Variants in CARMIL1 observed in about 807,000 individuals in gnomAD.
CARMIL1 encodes the protein F-actin-uncapping protein LRRC16A.
CARMIL1 carries 90 observed loss-of-function variants against 177.1 expected under a neutral mutation model. The observed-to-expected ratio is 0.51, with a 90% CI of 0.43 to 0.61. The LOEUF is 0.61. Among genes scored for constraint, CARMIL1 ranks in the 20% least tolerant of loss-of-function variants. The pLI, the probability that CARMIL1 is intolerant of heterozygous loss-of-function variation, is 0.00. For missense variants in CARMIL1, 1,380 were observed against 1,667.0 expected, an observed-to-expected ratio of 0.83 and a Z score of 3.00; for synonymous variants, 577 against 606.2, an observed-to-expected ratio of 0.95 and a Z score of 0.71.
In CARMIL1 at chr6:25,509,503, A is replaced by G. The variant is rs1805260318; in HGVS notation, c.1396-153A>G. 6.6e-6 allele frequency among the ~76,000 whole-genome samples: 1 copy of G among 152,114 alleles called. No individual in the cohort carries two copies. Among genetic ancestry groups the G allele is most frequent in the Admixed American group, 6.5e-5 (1 of 15,274 alleles). On this transcript the variant is annotated intron_variant, in intron 17 of 36. Coordinates refer to ENST00000329474, the MANE Select transcript of CARMIL1 (RefSeq NM_017640.6). This position sits in a 1 kb window ranked among gnomAD's most constrained non-coding sequence, Gnocchi z 4.1. ...ATGGCTAGTGATAGGCTCTTTACCC[A>G]CTGATAATAGCTTCTTTGGAGTTGA...
chr6:25,363,210 A>G (rs1475569313), intron 2 of CARMIL1, among the ~76,000 whole-genome samples: 2 of 152,172 alleles, frequency 1.3e-5, no homozygotes, highest in Non-Finnish European at 2.9e-5. Context: ...AAATTTGGAG[A>G]AAGATGGGTT....
At position 25,382,938 on chromosome 6, in the gene CARMIL1, T is replaced by C. The variant is rs1049909982; in HGVS notation, c.139-37176T>C. 1.1e-4 allele frequency among the ~76,000 whole-genome samples: 17 copies of C among 152,280 alleles called. No homozygotes were observed. In the East Asian group the frequency reaches 2.7e-3, roughly 24 times the overall value. On this transcript the variant is annotated intron_variant, in intron 2 of 36. Transcript: ENST00000329474. ...GCATGAGCCACAATGCCTGGCCTTA[T>C]ATTTCTTATTATATCATAAAATCAC...
chr6:25,599,482 G>A (rs1815179790), intron 32 of CARMIL1, among the ~76,000 whole-genome samples: 1 of 152,126 alleles, frequency 6.6e-6, no homozygotes, highest in South Asian at 2.1e-4. Flanking sequence ...AATGAGACAA[G>A]TTGTCTGTGA....
At chr6:25,507,772 G>A (rs1365757036) in intron 17 of CARMIL1, among the ~76,000 whole-genome samples, 1 of 152,092 alleles carries the variant, frequency 6.6e-6, no homozygotes, top group South Asian at 2.1e-4. Flanking sequence ...ACGCATTTAC[G>A]TTTATCTTCT....
chr6:25,357,999 G>A (rs1481088395), intron 2 of CARMIL1, among the ~76,000 whole-genome samples: 2 of 152,196 alleles, frequency 1.3e-5, no homozygotes, highest in Non-Finnish European at 2.9e-5. Context: ...AGCCTGACAG[G>A]TTGGGCTGCT....
intron 11 of CARMIL1, among the ~76,000 whole-genome samples, chr6:25,480,666 T>A (rs1007146829): frequency 3.4e-5 from 5 of 148,228 alleles, no homozygotes; most frequent in African/African-American, 1.2e-4. Flanking sequence ...TATATTTAAT[T>A]TAAATTTATA....
At chr6:25,281,136 G>GCGCACA (rs10642536) in intron 1 of CARMIL1, among the ~76,000 whole-genome samples, 9,657 of 132,050 alleles carry the variant, frequency 0.073, 460 homozygotes, top group Non-Finnish European at 0.1. Flanking sequence ...GTGCGCGCGC[G>GCGCACA]CACACACACA....
intron 1 of CARMIL1, among the ~76,000 whole-genome samples, chr6:25,281,136 G>GCGCGCGCGCACACACACA (rs10642536): frequency 3.0e-5 from 4 of 132,102 alleles, no homozygotes; most frequent in African/African-American, 8.9e-5. Context: ...GTGCGCGCGC[G>GCGCGCGCGCACACACACA]CACACACACA....
Position 25,449,987 on chromosome 6 carries a change from G to T in CARMIL1, c.461G>T (p.Gly154Val). Residue 154 changes from glycine to valine, a missense_variant, in exon 6 of 37, where the codon GGC (glycine) becomes GTC (valine). Coordinates refer to ENST00000329474, the MANE Select transcript of CARMIL1 (RefSeq NM_017640.6). ...GACAGCCAGACCGTGGCTGAGCAGGGCCCCTGTGGTGAGCATGCATTTTAA... is the reference window on the plus strand; with the variant it reads ...GACAGCCAGACCGTGGCTGAGCAGGTCCCCTGTGGTGAGCATGCATTTTAA... ...LWDSQTVAEQGPCGGFSQMYA... is the reference protein window; with the variant it reads ...LWDSQTVAEQVPCGGFSQMYA... 2 of 1,601,830 alleles carry T rather than the reference G, an allele frequency of 1.2e-6. No individual in the cohort carries two copies. Among genetic ancestry groups the T allele is most frequent in the Non-Finnish European group, 1.7e-6 (2 of 1,175,014 alleles).
chr6:25,426,451 TA>T, intron 3 of CARMIL1, 49 bp from the exon 4 acceptor site: 1 of 1,388,764 alleles, frequency 7.2e-7, no homozygotes, highest in Non-Finnish European at 1.0e-6. Context: ...TATGTTTTTT[TA>T]AAACCCTCAT....
At position 25,495,189 on chromosome 6, in the gene CARMIL1, C is replaced by T. The variant is rs1185737238; in HGVS notation, c.1299C>T (p.Gly433=). ...CTTTGATGCACATCAACCTTTCAGG[C>T]ACAAAACTGTCTCCTGAGCCCTTAA... ...SLALMHINLS[G]TKLSPEPLKA... The change falls in exon 16 of 37, where the codon GGC becomes GGT. Residue 433 remains glycine (G), a synonymous_variant. Transcript: ENST00000329474. The T allele has an allele frequency of 6.2e-7, 1 of 1,612,568 alleles. No individual in the cohort carries two copies. Among genetic ancestry groups the T allele is most frequent in the Admixed American group, 1.7e-5 (1 of 59,860 alleles).
chr6:25,478,972 T>A (rs1801838912), intron 11 of CARMIL1: 1 of 395,148 alleles, frequency 2.5e-6, no homozygotes. Flanking sequence ...CTTACTTTCC[T>A]TAGTGTTTCT....
At chr6:25,422,635 C>T (rs895853952) in intron 3 of CARMIL1, among the ~76,000 whole-genome samples, 1 of 152,100 alleles carries the variant, frequency 6.6e-6, no homozygotes, top group African/African-American at 2.4e-5. Context: ...GTTAAAATAC[C>T]TGAAGGCATG....
intron 8 of CARMIL1, among the ~76,000 whole-genome samples, chr6:25,459,339 A>G (rs903635570): frequency 7.5e-6 from 1 of 133,888 alleles, no homozygotes; most frequent in Non-Finnish European, 1.6e-5. Context: ...TGATCCTCCC[A>G]CTTCATTCTC....
chr6:25,381,727 G>A (rs1791560559), intron 2 of CARMIL1, among the ~76,000 whole-genome samples: 1 of 152,182 alleles, frequency 6.6e-6, no homozygotes, highest in East Asian at 1.9e-4. Flanking sequence ...TAGCACCTTT[G>A]TGTGTTCACC....
At chr6:25,436,428 G>C (rs559305727) in intron 5 of CARMIL1, among the ~76,000 whole-genome samples, 29 of 152,350 alleles carry the variant, frequency 1.9e-4, no homozygotes, top group African/African-American at 6.5e-4. Flanking sequence ...CATGCTAGCT[G>C]TGTTCCTTGC....
chr6:25,285,944 T>C (rs1034118359), intron 2 of CARMIL1, among the ~76,000 whole-genome samples: 1 of 152,198 alleles, frequency 6.6e-6, no homozygotes, highest in African/African-American at 2.4e-5. Context: ...TGATCTTGGC[T>C]CATTGTAGCC....
At chr6:25,358,258 C>T (rs1788832238) in intron 2 of CARMIL1, among the ~76,000 whole-genome samples, 1 of 152,118 alleles carries the variant, frequency 6.6e-6, no homozygotes, top group Admixed American at 6.5e-5. Context: ...AGATAGATTT[C>T]ATTTCTGGGT....
At chr6:25,361,043 C>T (rs1194203680) in intron 2 of CARMIL1, among the ~76,000 whole-genome samples, 1 of 152,050 alleles carries the variant, frequency 6.6e-6, no homozygotes, top group Non-Finnish European at 1.5e-5. Context: ...TGCTTTCCTA[C>T]CCTTGAGTGT....
Sources: allele counts gnomAD v4.1 joint callset (sites outside exome capture counted in the v4.1 genomes callset), GRCh38; gene constraint gnomAD v4.1.1; non-coding constraint Gnocchi (gnomAD v3.1); transcripts MANE v1.5; gene names NCBI Gene and HGNC (gene_info 2026-07-23, HGNC 2026-07-21).